COL12A1: variants seen among roughly 807,000 people sequenced by gnomAD.
COL12A1 encodes the protein collagen alpha-1(XII) chain.
In COL12A1, 114 loss-of-function variants were observed where a neutral mutation model predicts 349.7. The ratio of observed to expected loss-of-function variants is 0.33; its 90% CI spans 0.28 to 0.38. The LOEUF (loss-of-function observed/expected upper bound fraction) is 0.38, where lower values mean the gene tolerates loss of function less well. COL12A1 is among the 10% of genes least tolerant of loss of function. The pLI is 1.00. For missense variants in COL12A1, 3,284 were observed against 3,756.9 expected (o/e 0.87, Z 3.29); for synonymous variants, 1,369 against 1,329.0 (o/e 1.03, Z -0.66).
chr6:75,183,215 C>T lies in COL12A1; in HGVS notation c.1726G>A (p.Val576Met). The stretch of plus-strand genomic sequence containing the variant: ...AATTCTGAGCGAACGGCATCCTTCA[C>T]ACCAACTGCAAAGATTTCAACATCT... ...NSDVEIFAVG[V>M]KDAVRSELEA... The change falls in exon 10 of 66, where the codon GTG (valine) becomes ATG (methionine). Residue 576 changes from valine to methionine, a missense_variant. This residue lies in a region of COL12A1 where 2,601 missense variants were observed against 2,824.8 expected (regional missense o/e 0.92). Coordinates refer to ENST00000322507, the MANE Select transcript of COL12A1 (RefSeq NM_004370.6). The T allele has an allele frequency of 1.2e-6, 2 of 1,614,180 alleles. No homozygotes were observed. Among genetic ancestry groups the T allele is most frequent in the Non-Finnish European group, 1.7e-6 (2 of 1,180,020 alleles).
intron 58 of COL12A1, among the ~76,000 whole-genome samples, chr6:75,098,544 A>G (rs1768157767): frequency 6.6e-6 from 1 of 152,214 alleles, no homozygotes; most frequent in Non-Finnish European, 1.5e-5. Flanking sequence ...CTGTGGTCCC[A>G]GCTACTTGGG....
rs1196623078 is a variant in COL12A1 at position 75,133,924 on chromosome 6, A to G, written c.5598T>C (p.His1866=). The change falls in exon 33 of 66, where the codon CAT becomes CAC. Residue 1866 remains histidine (H), a synonymous_variant. Transcript: ENST00000322507. ...STSTLNVRWD[H]AEGNPRQYKL... ...TGTACTGACGAGGATTTCCCTCTGC[A>G]TGGTCCCAGCGGACATTCAAGGTGC... 1.9e-6 allele frequency: 3 copies of G among 1,613,986 alleles called. No individual in the cohort carries two copies. Among genetic ancestry groups the G allele is most frequent in the Non-Finnish European group, 2.5e-6 (3 of 1,179,974 alleles).
intron 56 of COL12A1, 139 bp from the exon 57 acceptor site, chr6:75,102,191 T>C: frequency 5.1e-6 from 4 of 789,828 alleles, no homozygotes; most frequent in Non-Finnish European, 8.3e-6. Flanking sequence ...AAGGGTATTT[T>C]TGAAAGGAGA....
intron 14 of COL12A1, among the ~76,000 whole-genome samples, chr6:75,162,987 G>A (rs1477285080): frequency 6.6e-6 from 1 of 152,128 alleles, no homozygotes; most frequent in Non-Finnish European, 1.5e-5. Flanking sequence ...AGTTAGAATG[G>A]CAATCATTAA....
intron 5 of COL12A1, among the ~76,000 whole-genome samples, chr6:75,190,292 G>A (rs1347583440): frequency 3.9e-5 from 6 of 151,916 alleles, no homozygotes; most frequent in Admixed American, 3.3e-4. Flanking sequence ...TCAAGGAAGT[G>A]CAGTTGAGTT....
At chr6:75,103,681 C>A in intron 55 of COL12A1, 76 bp downstream of exon 55, 2 of 1,249,816 alleles carry the variant, frequency 1.6e-6, no homozygotes, top group Non-Finnish European at 2.3e-6. Context: ...AGATCACATA[C>A]CCCCTTTGTG....
chr6:75,184,415 C>A (rs1306790834), intron 8 of COL12A1, among the ~76,000 whole-genome samples: 3 of 152,184 alleles, frequency 2.0e-5, no homozygotes. Flanking sequence ...ATGCCTAATT[C>A]TTCTCTGAAA....
chr6:75,129,410 G>C (rs145682925), intron 37 of COL12A1, among the ~76,000 whole-genome samples: 3 of 152,272 alleles, frequency 2.0e-5, no homozygotes, highest in Admixed American at 6.5e-5. Flanking sequence ...TCAACATCTT[G>C]TGCAATATTC....
chr6:75,102,684 A>G lies in COL12A1; in HGVS notation c.8328T>C (p.Pro2776=). Residue 2776 remains proline, a synonymous_variant, in exon 56 of 66, where the codon CCT becomes CCC. Coordinates refer to ENST00000322507, the MANE Select transcript of COL12A1 (RefSeq NM_004370.6). Reference sequence around the variant, plus strand: ...GAGGACCTATGTCTCCACGAGGACCAGGGGGCCCCTAAAATACACAAGAGA... The same window carrying G: ...GAGGACCTATGTCTCCACGAGGACCGGGGGGCCCCTAAAATACACAAGAGA... The part of the protein sequence containing the change: ...ERGISGAIGP[P]GPRGDIGPPG... The G allele has an allele frequency of 6.4e-7, 1 of 1,550,792 alleles. No homozygotes were observed. Among genetic ancestry groups the G allele is most frequent in the Non-Finnish European group, 8.7e-7 (1 of 1,152,970 alleles).
chr6:75,108,991 C>G (rs767800132), intron 52 of COL12A1, 27 bp downstream of exon 52: 1 of 1,598,070 alleles, frequency 6.3e-7, no homozygotes, highest in South Asian at 1.1e-5. Context: ...CACAAGGTAC[C>G]AAGAGAAATA....
chr6:75,194,769 G>T (rs1020599786), intron 3 of COL12A1, 62 bp downstream of exon 3: 2 of 1,012,110 alleles, frequency 2.0e-6, no homozygotes, highest in African/African-American at 1.6e-5. Context: ...GGGGAGAAGA[G>T]GTGGAGATTG....
At chr6:75,190,306 G>C (rs560014145) in intron 5 of COL12A1, among the ~76,000 whole-genome samples, 3 of 152,026 alleles carry the variant, frequency 2.0e-5, no homozygotes, top group South Asian at 4.1e-4. Flanking sequence ...TTGAGTTGAA[G>C]ACCTAATTTG....
chr6:75,114,292 C>T (rs907579394), intron 49 of COL12A1, among the ~76,000 whole-genome samples: 1 of 151,776 alleles, frequency 6.6e-6, no homozygotes, highest in Admixed American at 6.6e-5. Context: ...AATAAATCAC[C>T]CCCAGAGCTC....
At chr6:75,102,539 C>A in intron 56 of COL12A1, 58 bp downstream of exon 56, 2 of 1,307,320 alleles carry the variant, frequency 1.5e-6, no homozygotes, top group Non-Finnish European at 2.0e-6. Flanking sequence ...AGAAAAGATT[C>A]ATTTAACTAA....
At chr6:75,095,440 A>T (rs971113344) in intron 59 of COL12A1, among the ~76,000 whole-genome samples, 19 of 151,750 alleles carry the variant, frequency 1.3e-4, no homozygotes, top group African/African-American at 4.4e-4. Flanking sequence ...ACAAGGTGAA[A>T]CCCCGTCTCT....
At chr6:75,135,440 T>C (rs1003629542) in intron 31 of COL12A1, among the ~76,000 whole-genome samples, 7 of 152,204 alleles carry the variant, frequency 4.6e-5, no homozygotes, top group African/African-American at 9.6e-5. Context: ...GTCTCCATGA[T>C]ACCAGCCCCG....
At chr6:75,163,039 T>A (rs1377949432) in intron 14 of COL12A1, among the ~76,000 whole-genome samples, 1 of 152,156 alleles carries the variant, frequency 6.6e-6, no homozygotes. Context: ...TGTGGAGAAA[T>A]AGGAACGCTT....
intron 8 of COL12A1, among the ~76,000 whole-genome samples, chr6:75,187,457 T>A (rs1447289653): frequency 1.3e-5 from 2 of 152,150 alleles, no homozygotes; most frequent in Middle Eastern, 3.4e-3. Flanking sequence ...AATTAAACTG[T>A]TTAAAAGACT....
chr6:75,106,961 G>A (rs1255944628), intron 52 of COL12A1, among the ~76,000 whole-genome samples: 1 of 136,912 alleles, frequency 7.3e-6, no homozygotes, highest in African/African-American at 2.7e-5. Flanking sequence ...GAGTACAGTG[G>A]TGGGATCTTG....
Sources: gnomAD v4.1 joint callset for allele counts (sites outside exome capture counted in the v4.1 genomes callset) on GRCh38, gnomAD v4.1.1 for gene constraint, gnomAD v4.1.1 regional missense constraint, MANE v1.5 for transcripts, NCBI Gene and HGNC (gene_info 2026-07-23, HGNC 2026-07-21) for gene names.